The following BZW1 variants were observed in gnomAD, a reference collection of about 807,000 sequenced individuals.
BZW1 encodes the protein eIF5-mimic protein 2.
In BZW1, 3 loss-of-function variants were observed where a neutral mutation model predicts 54.1. That is an observed-to-expected ratio of 0.06 (90% CI 0.03 to 0.14). The LOEUF (loss-of-function observed/expected upper bound fraction) is 0.14. Ranked by LOEUF, BZW1 falls within the 10% of genes least tolerant of loss-of-function variation. BZW1 has a pLI of 1.00. For missense variants in BZW1, 206 were observed against 491.7 expected, an observed-to-expected ratio of 0.42 and a Z score of 5.50; for synonymous variants, 152 against 162.7, an observed-to-expected ratio of 0.93 and a Z score of 0.50.
intron 10 of BZW1, among the ~76,000 whole-genome samples, chr2:200,820,854 A>G (rs1055602930): frequency 2.6e-5 from 4 of 152,220 alleles, no homozygotes; most frequent in African/African-American, 9.6e-5. Context: ...CTTCTATAGC[A>G]ACCCCAATTT....
At chr2:200,814,013 A>G (rs776016217) in intron 2 of BZW1, among the ~76,000 whole-genome samples, 1 of 152,196 alleles carries the variant, frequency 6.6e-6, no homozygotes, top group Non-Finnish European at 1.5e-5. Context: ...TTTGAGATAT[A>G]TATTGTAGAA....
At chr2:200,817,026 A>G in intron 5 of BZW1, 80 bp from the exon 6 acceptor site, 1 of 1,503,484 alleles carries the variant, frequency 6.7e-7, no homozygotes, top group Non-Finnish European at 9.0e-7. Context: ...TTGAACAGGT[A>G]GCCAGTATAA....
intron 10 of BZW1, 186 bp downstream of exon 10, chr2:200,820,306 T>G: frequency 2.2e-6 from 1 of 456,686 alleles, no homozygotes; most frequent in South Asian, 3.7e-5. Context: ...CTAAACCCTA[T>G]TCACAAGTTG....
At chr2:200,815,594 A>T in intron 3 of BZW1, 73 bp from the exon 4 acceptor site, 1 of 1,596,024 alleles carries the variant, frequency 6.3e-7, no homozygotes, top group Non-Finnish European at 8.5e-7. Flanking sequence ...CTAGAATATG[A>T]ACTATTTGGC....
At chr2:200,815,803 C>A in intron 4 of BZW1, 42 bp downstream of exon 4, 1 of 1,438,784 alleles carries the variant, frequency 7.0e-7, no homozygotes. Flanking sequence ...TGGCTACTAT[C>A]CATGTGGTAT....
At chr2:200,819,863 T>G in intron 9 of BZW1, 119 bp from the exon 10 acceptor site, 1 of 952,640 alleles carries the variant, frequency 1.0e-6, no homozygotes. Context: ...GTAAATAAGT[T>G]ATAGTTTGCA....
chr2:200,812,075 T>G (rs1431607115), intron 1 of BZW1, 85 bp downstream of exon 1: 2 of 494,326 alleles, frequency 4.0e-6, no homozygotes, highest in Non-Finnish European at 3.1e-6. Context: ...GCGGGCTGGA[T>G]GCGGCCCGGC....
intron 5 of BZW1, among the ~76,000 whole-genome samples, 170 bp downstream of exon 5, chr2:200,816,560 C>T (rs1223092611): frequency 1.3e-5 from 2 of 152,170 alleles, no homozygotes; most frequent in African/African-American, 4.8e-5. Context: ...GGCTCAGTCT[C>T]AGCTCACTGC....
chr2:200,818,411 C>T lies in BZW1; in HGVS notation c.819+18C>T. 1 of 1,594,628 alleles carries T rather than the reference C, an allele frequency of 6.3e-7. No homozygotes were observed. The highest frequency in any genetic ancestry group is 2.2e-5 in the East Asian group (1 of 44,794). On this transcript the variant is annotated intron_variant, in intron 8 of 11. Coordinates refer to ENST00000409600, the MANE Select transcript of BZW1 (RefSeq NM_001207067.2). ...TTAAGGATGTAAGTTTTTGTTTAAA[C>T]CGTCTTTTTATGGCTAAGCTTCTGG...
rs759835220 is a variant in BZW1 at position 200,815,414 on chromosome 2, T to C, written c.138T>C (p.Asp46=). 6.2e-7 allele frequency: 1 copy of C among 1,613,994 alleles called. No homozygotes were observed. The highest frequency in any genetic ancestry group is 2.2e-5 in the East Asian group (1 of 44,892). ...IIQGLTETGT[D]LEAVAKFLDA... ...AAGGCTTAACTGAAACCGGTACTGA[T>C]TTGGAAGCAGTAGCTAAGTTTCTTG... is the stretch of plus-strand genomic sequence containing the variant. Residue 46 remains aspartate, a synonymous_variant, in exon 3 of 12, where the codon GAT becomes GAC. Coordinates refer to ENST00000409600, the MANE Select transcript of BZW1 (RefSeq NM_001207067.2).
chr2:200,819,063 C>A, intron 9 of BZW1, 162 bp downstream of exon 9: 1 of 845,254 alleles, frequency 1.2e-6, no homozygotes, highest in Non-Finnish European at 1.8e-6. Flanking sequence ...GATGATAATG[C>A]TCTGAATTGG....
rs996000991 is a variant in BZW1 at position 200,822,908 on chromosome 2, A to G, written c.*730A>G. 6.0e-6 allele frequency: 1 copy of G among 166,866 alleles called. No homozygotes were observed. The highest frequency in any genetic ancestry group is 6.6e-5 in the Admixed American group (1 of 15,240). 10.3% of individuals were successfully genotyped at this position (166,866 alleles called of 1,614,324 possible). ...AAGAAAGTTGAGCTTTTTCCCCTTG[A>G]GAAACTTCTGCATTTAGTTTCTATC... On this transcript the variant is annotated 3_prime_UTR_variant, in exon 12 of 12. Transcript: ENST00000409600.
intron 9 of BZW1, among the ~76,000 whole-genome samples, chr2:200,819,554 G>C (rs2038428146): frequency 6.6e-6 from 1 of 151,242 alleles, no homozygotes; most frequent in African/African-American, 2.4e-5. Flanking sequence ...TAGCTACTTA[G>C]ATTTTCTGCT....
intron 6 of BZW1, 52 bp downstream of exon 6, chr2:200,817,293 G>C: frequency 6.3e-7 from 1 of 1,589,472 alleles, no homozygotes; most frequent in Admixed American, 1.7e-5. Context: ...GGGTGGATAA[G>C]AGCATGGTTT....
intron 9 of BZW1, among the ~76,000 whole-genome samples, chr2:200,819,592 ACT>A (rs1170640149): frequency 6.8e-6 from 1 of 146,370 alleles, no homozygotes. Flanking sequence ...AGACAGTCTC[ACT>A]CTGTCACCCA....
intron 6 of BZW1, 37 bp from the exon 7 acceptor site, chr2:200,817,937 A>G (rs373755292): frequency 1.5e-5 from 21 of 1,394,042 alleles, no homozygotes; most frequent in Middle Eastern, 2.4e-4. Flanking sequence ...GAAACCAGGG[A>G]AGGTACTTCT....
chr2:200,812,791 C>T (rs1418352616), intron 1 of BZW1: 1 of 698,224 alleles, frequency 1.4e-6, no homozygotes, highest in East Asian at 2.8e-5. Flanking sequence ...CACCTTTTGA[C>T]AGTGTTTTAG....
In BZW1 at chr2:200,825,876, T is replaced by A. The variant is rs936468005; in HGVS notation, c.*3698T>A. 5 of 152,234 alleles carry A rather than the reference T, an allele frequency of 3.3e-5. No individual in the cohort carries two copies. The highest frequency in any genetic ancestry group is 1.2e-4 in the African/African-American group (5 of 41,466). The allele number at this position is 152,234 out of a possible 1,614,324, so 9.4% of individuals were successfully genotyped here. A position where few individuals can be genotyped will look rare whatever the true frequency, so the allele number is the denominator to read the frequency against. ...TTACCAAATTACCTTTGTACAAATA[T>A]TCCTCAGATGCTGTCTACAGGTGCC... On this transcript the variant is annotated 3_prime_UTR_variant, in exon 12 of 12. Transcript: ENST00000409600.
chr2:200,824,526 A>C lies in BZW1; in HGVS notation c.*2348A>C, dbSNP rs1299325827. ...TGTTTATTCCATTCTTATTTAAAAA[A>C]AAAAACCTCCATATACCAAAAATGC... On this transcript the variant is annotated 3_prime_UTR_variant, in exon 12 of 12. Transcript: ENST00000409600. The C allele has an allele frequency of 2.0e-5, 3 of 151,848 alleles. No individual in the cohort carries two copies. The highest frequency in any genetic ancestry group is 4.1e-4 in the South Asian group (2 of 4,828). 9.4% of individuals were successfully genotyped at this position (151,848 alleles called of 1,614,324 possible).
Sources: gnomAD v4.1 joint callset for allele counts (sites outside exome capture counted in the v4.1 genomes callset) on GRCh38, gnomAD v4.1.1 for gene constraint, MANE v1.5 for transcripts, NCBI Gene and HGNC (gene_info 2026-07-23, HGNC 2026-07-21) for gene names.